ESRRG: variants seen among roughly 807,000 people sequenced by gnomAD.
ESRRG encodes the protein estrogen-related receptor gamma.
ESRRG carries 13 observed loss-of-function variants against 44.0 expected under a neutral mutation model. That is an observed-to-expected ratio of 0.30 (90% CI 0.19 to 0.47). The LOEUF (loss-of-function observed/expected upper bound fraction) is 0.47. Ranked by LOEUF, ESRRG falls within the 20% of genes least tolerant of loss-of-function variation. The pLI is 1.00. For synonymous variants in ESRRG, 215 were observed against 214.6 expected, an observed-to-expected ratio of 1.00 and a Z score of -0.02; for missense variants, 395 against 580.6, an observed-to-expected ratio of 0.68 and a Z score of 3.29.
chr1:216,722,358 A>C (rs1216199017), intron 1 of ESRRG, among the ~76,000 whole-genome samples: 1 of 152,032 alleles, frequency 6.6e-6, no homozygotes, highest in Non-Finnish European at 1.5e-5. Context: ...TAAGTTTATC[A>C]CCTACTCATT....
intron 2 of ESRRG, among the ~76,000 whole-genome samples, chr1:216,769,958 A>G (rs967490171): frequency 6.6e-6 from 1 of 152,118 alleles, no homozygotes; most frequent in African/African-American, 2.4e-5. Flanking sequence ...GAGGAATATT[A>G]ACTAAGGATA....
At chr1:216,722,960 G>A (rs971978763) in intron 1 of ESRRG, among the ~76,000 whole-genome samples, 1 of 152,158 alleles carries the variant, frequency 6.6e-6, no homozygotes, top group African/African-American at 2.4e-5. Context: ...TGTGCCAAGT[G>A]CCTATTCTTA....
At chr1:217,105,099 G>A (rs1413880210) in intron 1 of ESRRG, among the ~76,000 whole-genome samples, 1 of 152,088 alleles carries the variant, frequency 6.6e-6, no homozygotes, top group Non-Finnish European at 1.5e-5. Context: ...CTCAATTTGA[G>A]GCATGACATC....
At chr1:216,735,803 A>C (rs1575926793) in intron 2 of ESRRG, among the ~76,000 whole-genome samples, 1 of 151,474 alleles carries the variant, frequency 6.6e-6, no homozygotes, top group Admixed American at 6.6e-5. Context: ...AGATGGTGAA[A>C]CCCCGTCTCT....
chr1:217,069,758 G>A (rs947320944), intron 1 of ESRRG, among the ~76,000 whole-genome samples: 10 of 152,134 alleles, frequency 6.6e-5, no homozygotes, highest in Non-Finnish European at 1.2e-4. Flanking sequence ...GAAGCAGCAG[G>A]CAACTCTCTA....
chr1:216,931,835 C>CAAAAAAAAA (rs56050369), intron 2 of ESRRG, among the ~76,000 whole-genome samples: 3 of 130,956 alleles, frequency 2.3e-5, no homozygotes, highest in Non-Finnish European at 3.2e-5. Context: ...TGAGAAACCA[C>CAAAAAAAAA]AAAAAAAAAA....
At chr1:216,864,703 G>A (rs960740030) in intron 2 of ESRRG, 4 of 142,158 alleles carry the variant, frequency 2.8e-5, no homozygotes, top group Non-Finnish European at 4.5e-5. Flanking sequence ...CACACTTGGG[G>A]GTTGATAGTC....
intron 5 of ESRRG, among the ~76,000 whole-genome samples, chr1:216,519,723 T>A (rs1026525301): frequency 6.6e-6 from 1 of 151,610 alleles, no homozygotes; most frequent in African/African-American, 2.4e-5. Flanking sequence ...TATACTTGAT[T>A]TCTGGTTGAA....
intron 1 of ESRRG, among the ~76,000 whole-genome samples, chr1:217,119,668 C>A (rs1463383864): frequency 6.6e-6 from 1 of 152,174 alleles, no homozygotes; most frequent in East Asian, 1.9e-4. Context: ...TAGGAGAGAA[C>A]ATCCTTTGAG....
At chr1:216,529,382 T>C (rs1175148959) in intron 5 of ESRRG, among the ~76,000 whole-genome samples, 2 of 152,194 alleles carry the variant, frequency 1.3e-5, no homozygotes, top group Non-Finnish European at 2.9e-5. Context: ...TAATTTTTCA[T>C]TGAAAATAGA....
intron 3 of ESRRG, among the ~76,000 whole-genome samples, chr1:216,614,925 A>C (rs893447917): frequency 6.6e-6 from 1 of 152,270 alleles, no homozygotes; most frequent in Admixed American, 6.5e-5. Flanking sequence ...AGAAATGCAC[A>C]ATAGAACCCA....
intron 2 of ESRRG, among the ~76,000 whole-genome samples, chr1:216,781,226 C>T (rs1444989394): frequency 2.0e-5 from 3 of 151,864 alleles, no homozygotes; most frequent in African/African-American, 7.3e-5. Context: ...TGAGTACTTA[C>T]TATGTGACAG....
At chr1:216,680,508 C>T (rs897540325) in intron 1 of ESRRG, among the ~76,000 whole-genome samples, 4 of 152,160 alleles carry the variant, frequency 2.6e-5, no homozygotes, top group Admixed American at 2.0e-4. Flanking sequence ...TTTTATTTCT[C>T]AGCAATTATA....
chr1:216,708,304 ATATATAT>A (rs1312966970), intron 1 of ESRRG, among the ~76,000 whole-genome samples: 1 of 152,172 alleles, frequency 6.6e-6, no homozygotes, highest in Non-Finnish European at 1.5e-5. Context: ...AATAAAAGTA[ATATATAT>A]TACCAAGATG....
intron 2 of ESRRG, among the ~76,000 whole-genome samples, chr1:216,900,031 C>T (rs1252927544): frequency 6.6e-6 from 1 of 152,174 alleles, no homozygotes; most frequent in Non-Finnish European, 1.5e-5. Context: ...TCATCCCTCG[C>T]TTTTGTAAAT....
intron 2 of ESRRG, among the ~76,000 whole-genome samples, chr1:216,870,305 C>G (rs1251147013): frequency 6.7e-6 from 1 of 150,020 alleles, no homozygotes; most frequent in Non-Finnish European, 1.5e-5. Context: ...AATATCGAGA[C>G]AGCCTTGCAA....
chr1:217,035,200 G>C (rs145184040), intron 1 of ESRRG, among the ~76,000 whole-genome samples: 161 of 151,596 alleles, frequency 1.1e-3, no homozygotes, highest in African/African-American at 3.7e-3. Context: ...AAAAAGTGCT[G>C]AGAAGCCTGG....
chr1:216,668,964 A>C (rs1266827911), intron 2 of ESRRG, among the ~76,000 whole-genome samples: 1 of 152,226 alleles, frequency 6.6e-6, no homozygotes, highest in African/African-American at 2.4e-5. Flanking sequence ...TTTTTCATCA[A>C]TGTTGCCTGC....
intron 4 of ESRRG, among the ~76,000 whole-genome samples, chr1:216,565,994 T>TC (rs397692814): frequency 1.3e-5 from 2 of 151,414 alleles, no homozygotes; most frequent in Non-Finnish European, 2.9e-5. Flanking sequence ...GTTTTTTTTT[T>TC]AGTACAGGGA....
Sources: gnomAD v4.1 joint callset for allele counts (sites outside exome capture counted in the v4.1 genomes callset) on GRCh38, gnomAD v4.1.1 for gene constraint, MANE v1.5 for transcripts, NCBI Gene and HGNC (gene_info 2026-07-23, HGNC 2026-07-21) for gene names.